DYSF: variants seen among roughly 807,000 people sequenced by gnomAD.
DYSF encodes the protein dystrophy-associated fer-1-like 1.
Under a neutral mutation model 274.9 loss-of-function variants are expected in DYSF, and 212 were observed. The observed-to-expected ratio is 0.77, with a 90% confidence interval of 0.69 to 0.86. DYSF has a LOEUF of 0.86. Among genes scored for constraint, DYSF ranks in the 40% least tolerant of loss-of-function variants. The pLI, the probability that DYSF is intolerant of heterozygous loss-of-function variation, is 0.00. For synonymous variants in DYSF, 1,091 were observed against 1,078.7 expected, an observed-to-expected ratio of 1.01 and a Z score of -0.22; for missense variants, 2,666 against 2,783.2, an observed-to-expected ratio of 0.96 and a Z score of 0.95.
At chr2:71,626,171 C>A (rs1050294743) in intron 41 of DYSF, among the ~76,000 whole-genome samples, 2 of 151,810 alleles carry the variant, frequency 1.3e-5, no homozygotes, top group Non-Finnish European at 2.9e-5. Context: ...GAACCTTCAG[C>A]TGATGTTCTA....
rs1573704374 is a variant in DYSF at position 71,520,913 on chromosome 2, A to G, written c.1149+9A>G. The G allele has an allele frequency of 1.2e-6, 2 of 1,613,650 alleles. No homozygotes were observed. The highest frequency in any genetic ancestry group is 1.7e-6 in the Non-Finnish European group (2 of 1,179,652). On this transcript the variant is annotated intron_variant, in intron 12 of 55. Transcript: ENST00000410020. ...CTGGGGACGAAGCGCCTGTGAGTACATTTCCCTGGGTCTTCCTTACGGTCC... is the reference window on the plus strand; with the variant it reads ...CTGGGGACGAAGCGCCTGTGAGTACGTTTCCCTGGGTCTTCCTTACGGTCC...
At chr2:71,664,966 C>T (rs1031351099) in intron 46 of DYSF, among the ~76,000 whole-genome samples, 196 bp from the exon 47 acceptor site, 1 of 152,168 alleles carries the variant, frequency 6.6e-6, no homozygotes, top group South Asian at 2.1e-4. Flanking sequence ...TAAATGAGTC[C>T]TTTTCTCTCT....
At chr2:71,462,030 TCCAGCTGGAAA>T (rs1192659960), upstream of DYSF, among the ~76,000 whole-genome samples, 1 of 152,210 alleles carries the variant, frequency 6.6e-6, no homozygotes, top group African/African-American at 2.4e-5. Flanking sequence ...TGTTGCTTTT[TCCAGCTGGAAA>T]CCTCTGTGGC....
chr2:71,583,976 G>A (rs1342467326), intron 30 of DYSF, among the ~76,000 whole-genome samples: 1 of 152,182 alleles, frequency 6.6e-6, no homozygotes, highest in Non-Finnish European at 1.5e-5. Flanking sequence ...CCGGGCAGCA[G>A]CGGGTTGGAG....
At chr2:71,573,142 C>T (rs571108787) in intron 29 of DYSF, among the ~76,000 whole-genome samples, 30 of 152,326 alleles carry the variant, frequency 2.0e-4, no homozygotes, top group Admixed American at 2.6e-4. Flanking sequence ...GTGGCATGAC[C>T]TAGGTTCCTT....
At position 71,643,838 on chromosome 2, in the gene DYSF, C is replaced by G. The variant is rs72904631; in HGVS notation, c.4528-127C>G. On this transcript the variant is annotated intron_variant, in intron 41 of 55. Coordinates refer to ENST00000410020, the MANE Select transcript of DYSF (RefSeq NM_001130987.2). The stretch of plus-strand genomic sequence containing the variant: ...CGGAGGTTTCCTCTCTCTGCTCCCC[C>G]ACATCACCCTTAGGAAAGCCTTGTG... The G allele has an allele frequency of 2.8e-5, 21 of 746,702 alleles. No individual in the cohort carries two copies. The Admixed American group carries it at 3.4e-4, about 12-fold the overall frequency. 46.3% of individuals were successfully genotyped at this position (746,702 alleles called of 1,614,324 possible).
chr2:71,549,508 C>A, intron 17 of DYSF: 1 of 1,008,790 alleles, frequency 9.9e-7, no homozygotes, highest in Non-Finnish European at 1.5e-6. Flanking sequence ...ATTGAGATTC[C>A]CCCACAAAGG....
At chr2:71,627,690 A>T (rs2094232717) in intron 41 of DYSF, among the ~76,000 whole-genome samples, 1 of 152,086 alleles carries the variant, frequency 6.6e-6, no homozygotes, top group Non-Finnish European at 1.5e-5. Context: ...CTTTGATGTG[A>T]CATTTGTCAA....
chr2:71,667,478 G>A lies in DYSF; in HGVS notation c.5420G>A (p.Arg1807Gln), dbSNP rs148860301. The A allele has an allele frequency of 5.0e-5, 81 of 1,613,986 alleles. No homozygotes were observed. Among genetic ancestry groups the A allele is most frequent in the Admixed American group, 6.7e-5 (4 of 59,998 alleles). Residue 1807 changes from arginine to glutamine, a missense_variant, in exon 48 of 56, where the codon CGG becomes CAG. By Grantham distance (43) the Arg-to-Gln change is conservative. Transcript: ENST00000410020. The stretch of plus-strand genomic sequence containing the variant: ...CTGGTCCCGGAGCACGTGGAGTCAC[G>A]GCCCCTCTACAGCCCCCTGCAGCCA... ...QGLVPEHVES[R>Q]PLYSPLQPDI...
chr2:71,548,134 G>T (rs2090628683), intron 17 of DYSF, among the ~76,000 whole-genome samples: 1 of 152,172 alleles, frequency 6.6e-6, no homozygotes, highest in Non-Finnish European at 1.5e-5. Flanking sequence ...GATTTTTGCA[G>T]CCCTGGTGTC....
intron 48 of DYSF, 103 bp from the exon 49 acceptor site, chr2:71,668,651 G>A (rs2095061318): frequency 8.9e-7 from 1 of 1,122,096 alleles, no homozygotes; most frequent in African/African-American, 1.5e-5. Context: ...GGAAGGGCCT[G>A]GGTTTCTCTG....
At chr2:71,455,541 C>T (rs115542082) in intron 1 of DYSF, among the ~76,000 whole-genome samples, 3,488 of 152,300 alleles carry the variant, frequency 0.023, 56 homozygotes, top group African/African-American at 0.048. Flanking sequence ...GCTTCCTCTC[C>T]GCATCCTCAG....
At chr2:71,623,678 C>CA (rs917229880) in intron 41 of DYSF, among the ~76,000 whole-genome samples, 50 of 147,702 alleles carry the variant, frequency 3.4e-4, no homozygotes, top group African/African-American at 7.2e-4. Context: ...ACGATACTTG[C>CA]AAAAAAAAAA....
At chr2:71,668,688 A>C in intron 48 of DYSF, 66 bp from the exon 49 acceptor site, 1 of 1,490,222 alleles carries the variant, frequency 6.7e-7, no homozygotes, top group Non-Finnish European at 9.3e-7. Flanking sequence ...TCTGGCCCAG[A>C]GCAGGTGCTT....
intron 41 of DYSF, among the ~76,000 whole-genome samples, chr2:71,624,867 G>C (rs950640386): frequency 6.6e-6 from 1 of 151,930 alleles, no homozygotes; most frequent in Non-Finnish European, 1.5e-5. Context: ...ACATTTTCTG[G>C]AGGGGATTCT....
intron 5 of DYSF, 138 bp from the exon 6 acceptor site, chr2:71,513,102 C>T (rs541703144): frequency 6.2e-6 from 5 of 811,230 alleles, no homozygotes; most frequent in Non-Finnish European, 1.0e-5. Context: ...CCACTGGGCT[C>T]CACAGCTATT....
chr2:71,664,730 G>A (rs1431708250), intron 46 of DYSF, among the ~76,000 whole-genome samples: 5 of 152,194 alleles, frequency 3.3e-5, no homozygotes, highest in Admixed American at 3.3e-4. Flanking sequence ...CCTAGAGAGG[G>A]CTAGGTACCT....
At position 71,570,309 on chromosome 2, in the gene DYSF, C is replaced by T. The variant is rs779224176; in HGVS notation, c.3060C>T (p.Asp1020=). The change falls in exon 28 of 56, where the codon GAC becomes GAT. Residue 1020 remains aspartate, a synonymous_variant. Transcript: ENST00000410020. ...GGGAAGATGAGGAATGGTCCACAGA[C>T]CTCAACCGGGCTGTCGATGAGCAAG... is the stretch of plus-strand genomic sequence containing the variant. ...WKWEDEEWST[D]LNRAVDEQGW... is the part of the protein sequence containing the mutation. The T allele has an allele frequency of 5.6e-6, 9 of 1,613,998 alleles. No homozygotes were observed. The highest frequency in any genetic ancestry group is 7.6e-6 in the Non-Finnish European group (9 of 1,180,008).
intron 4 of DYSF, among the ~76,000 whole-genome samples, chr2:71,506,823 T>A (rs1219646759): frequency 6.6e-6 from 1 of 152,012 alleles, no homozygotes; most frequent in Admixed American, 6.6e-5. Context: ...CTCCTAGTGC[T>A]GAGGTCTGTT....
Sources: gnomAD v4.1 joint callset for allele counts (sites outside exome capture counted in the v4.1 genomes callset) on GRCh38, gnomAD v4.1.1 for gene constraint, MANE v1.5 for transcripts, NCBI Gene and HGNC (gene_info 2026-07-23, HGNC 2026-07-21) for gene names.